ODAD2: variants seen among roughly 807,000 people sequenced by gnomAD.
ODAD2 encodes the protein outer dynein arm-docking complex subunit 2.
Under a neutral mutation model 106.8 loss-of-function variants are expected in ODAD2, and 89 were observed. That is an observed-to-expected ratio of 0.83 (90% CI 0.70 to 0.99). ODAD2 has a LOEUF of 0.99. ODAD2 is among the 50% of genes least tolerant of loss of function. ODAD2 has a pLI of 0.00. For synonymous variants in ODAD2, 404 were observed against 436.2 expected (o/e 0.93, Z 0.92); for missense variants, 1,168 against 1,238.5 (o/e 0.94, Z 0.85).
intron 17 of ODAD2, among the ~76,000 whole-genome samples, chr10:27,899,153 C>T (rs574245683): frequency 2.6e-5 from 4 of 151,716 alleles, no homozygotes; most frequent in Non-Finnish European, 5.9e-5. Flanking sequence ...GTACAGCCCA[C>T]GGAGGGCAAG....
rs772185029 is a variant in ODAD2, at chr10:27,935,115, C to T, written c.2390G>A (p.Gly797Asp). 1 of 1,613,980 alleles carries T rather than the reference C, an allele frequency of 6.2e-7. No homozygotes were observed. Among genetic ancestry groups the T allele is most frequent in the South Asian group, 1.1e-5 (1 of 91,072 alleles). The change falls in exon 16 of 20, where the codon GGT (glycine) becomes GAT (aspartate). Residue 797 changes from glycine (G) to aspartate (D), a missense_variant. Gly to Asp is a moderately conservative substitution (Grantham distance 94, BLOSUM62 -1). This residue lies in a region of ODAD2 where 701 missense variants were observed against 712.3 expected (regional missense o/e 0.98). Transcript: ENST00000305242. ...GAGGTTCACAAGTGGTTGAATGCCA[C>T]CACATTTCCGGACAATGACTCGGTT... The part of the protein sequence containing the change: ...RENRVIVRKC[G>D]GIQPLVNLLV...
intron 16 of ODAD2, among the ~76,000 whole-genome samples, chr10:27,929,774 A>C (rs1050249624): frequency 2.0e-5 from 3 of 152,198 alleles, no homozygotes; most frequent in Non-Finnish European, 4.4e-5. Flanking sequence ...AAGAAGATGC[A>C]GAGAAGTTTA....
intron 9 of ODAD2, among the ~76,000 whole-genome samples, chr10:27,965,348 C>T (rs1848423827): frequency 6.6e-6 from 1 of 152,140 alleles, no homozygotes; most frequent in African/African-American, 2.4e-5. Context: ...AGAACAGCTG[C>T]TGTCACTGAA....
chr10:27,992,694 A>C (rs1433133452), intron 2 of ODAD2, among the ~76,000 whole-genome samples: 3 of 152,102 alleles, frequency 2.0e-5, no homozygotes, highest in African/African-American at 7.2e-5. Flanking sequence ...GTCTTAAATA[A>C]ATACATAAAT....
At chr10:27,907,573 A>G (rs1209596426) in intron 17 of ODAD2, 90 bp downstream of exon 17, 14 of 793,358 alleles carry the variant, frequency 1.8e-5, no homozygotes, top group Non-Finnish European at 2.7e-5. Context: ...CTGACTTACA[A>G]TAAGTCAAAA....
intron 10 of ODAD2, among the ~76,000 whole-genome samples, chr10:27,950,911 AAT>A (rs1310447050): frequency 6.6e-6 from 1 of 152,220 alleles, no homozygotes; most frequent in East Asian, 1.9e-4. Flanking sequence ...TTAATTAAAA[AAT>A]AGTTCAATAA....
At chr10:27,863,697 A>G (rs947798950) in intron 17 of ODAD2, among the ~76,000 whole-genome samples, 13 of 152,196 alleles carry the variant, frequency 8.5e-5, no homozygotes, top group African/African-American at 3.1e-4. Flanking sequence ...AACCTCAACT[A>G]ATATAAAGGT....
chr10:27,826,580 A>G (rs1421148869), intron 19 of ODAD2, among the ~76,000 whole-genome samples: 1 of 152,048 alleles, frequency 6.6e-6, no homozygotes, highest in Non-Finnish European at 1.5e-5. Flanking sequence ...CCACACGCAC[A>G]GATTCCCGCT....
At chr10:27,895,455 T>A (rs1347590537) in intron 17 of ODAD2, among the ~76,000 whole-genome samples, 1 of 152,182 alleles carries the variant, frequency 6.6e-6, no homozygotes, top group Non-Finnish European at 1.5e-5. Flanking sequence ...GCCTAGCTAA[T>A]TTTTGTATTT....
chr10:27,855,153 T>C (rs1378753868), intron 19 of ODAD2, among the ~76,000 whole-genome samples: 1 of 152,150 alleles, frequency 6.6e-6, no homozygotes, highest in Admixed American at 6.5e-5. Context: ...CCTTAAAATG[T>C]GCATGTGTAT....
At chr10:27,981,173 G>T (rs1377790072) in intron 7 of ODAD2, among the ~76,000 whole-genome samples, 4 of 152,136 alleles carry the variant, frequency 2.6e-5, no homozygotes, top group African/African-American at 9.7e-5. Flanking sequence ...AGGGAAGAAG[G>T]AATGGGGAAT....
At chr10:27,814,853 C>A (rs564914893) in intron 19 of ODAD2, among the ~76,000 whole-genome samples, 2 of 152,300 alleles carry the variant, frequency 1.3e-5, no homozygotes, top group South Asian at 2.1e-4. Context: ...CTGAGTCCTG[C>A]GGGAGGCATA....
chr10:27,924,206 T>C (rs1845075079), intron 16 of ODAD2, among the ~76,000 whole-genome samples: 1 of 151,584 alleles, frequency 6.6e-6, no homozygotes, highest in South Asian at 2.1e-4. Flanking sequence ...ATGAGAAATA[T>C]CTAACAAATC....
chr10:27,875,234 G>T (rs1564454178), intron 17 of ODAD2, among the ~76,000 whole-genome samples: 1 of 152,156 alleles, frequency 6.6e-6, no homozygotes, highest in Non-Finnish European at 1.5e-5. Flanking sequence ...CTCTACACTG[G>T]TTATTCTAGT....
chr10:27,979,696 C>T (rs567681010), intron 7 of ODAD2, among the ~76,000 whole-genome samples: 1 of 152,216 alleles, frequency 6.6e-6, no homozygotes, highest in East Asian at 1.9e-4. Flanking sequence ...AACTTCTAAA[C>T]ATTGCTGAAA....
rs1355451513 is a variant in ODAD2, at chr10:27,862,624, T to C, written c.2611-2A>G. 1 of 1,586,766 alleles carries C rather than the reference T, an allele frequency of 6.3e-7. No homozygotes were observed. The highest frequency in any genetic ancestry group is 1.8e-5 in the Admixed American group (1 of 54,512). On this transcript the variant is annotated splice_acceptor_variant, in intron 17 of 19. Coordinates refer to ENST00000305242, the MANE Select transcript of ODAD2 (RefSeq NM_018076.5). LOFTEE classifies it high-confidence loss of function. ...GGAACGAACCATTTCCCCAGCATCCTAGACAAAAATAAAAGTAAAGATGGT... is the reference window on the plus strand; with the variant it reads ...GGAACGAACCATTTCCCCAGCATCCCAGACAAAAATAAAAGTAAAGATGGT...
At chr10:27,853,758 C>T (rs1839458594) in intron 19 of ODAD2, among the ~76,000 whole-genome samples, 2 of 151,968 alleles carry the variant, frequency 1.3e-5, no homozygotes, top group Admixed American at 1.3e-4. Flanking sequence ...AAAGTTTACT[C>T]GAATGGGTCA....
intron 17 of ODAD2, among the ~76,000 whole-genome samples, chr10:27,875,904 C>T (rs995392154): frequency 1.8e-4 from 28 of 152,300 alleles, no homozygotes; most frequent in African/African-American, 6.0e-4. Flanking sequence ...TTATATCGCA[C>T]GCCTGGCTCG....
chr10:27,951,602 T>C (rs1847330606), intron 10 of ODAD2, among the ~76,000 whole-genome samples: 1 of 151,414 alleles, frequency 6.6e-6, no homozygotes, highest in Non-Finnish European at 1.5e-5. Flanking sequence ...TAAAGTGAAT[T>C]CCAGAAGGAT....
Sources: gnomAD v4.1 joint callset for allele counts (sites outside exome capture counted in the v4.1 genomes callset) on GRCh38, gnomAD v4.1.1 for gene constraint, gnomAD v4.1.1 regional missense constraint, MANE v1.5 for transcripts, NCBI Gene and HGNC (gene_info 2026-07-23, HGNC 2026-07-21) for gene names.